Variants in RAB6A observed in about 807,000 individuals in gnomAD.
The protein encoded by RAB6A is ras-related protein Rab-6A.
In RAB6A, 8 loss-of-function variants were observed where a neutral mutation model predicts 32.3. The ratio of observed to expected loss-of-function variants is 0.25; its 90% CI spans 0.15 to 0.45. The LOEUF is 0.45. Among genes scored for constraint, RAB6A ranks in the 20% least tolerant of loss-of-function variants. The pLI is 1.00. For synonymous variants in RAB6A, 73 were observed against 82.1 expected (o/e 0.89, Z 0.60); for missense variants, 104 against 249.4 (o/e 0.42, Z 3.93).
intron 6 of RAB6A, among the ~76,000 whole-genome samples, chr11:73,693,436 C>T (rs1945607966): frequency 6.6e-6 from 1 of 151,836 alleles, no homozygotes; most frequent in African/African-American, 2.4e-5. Flanking sequence ...TTAAAGAAAG[C>T]AACAGGGCCA....
chr11:73,688,927 T>C (rs7937010), intron 6 of RAB6A, among the ~76,000 whole-genome samples: 9,172 of 152,088 alleles, frequency 0.06, 377 homozygotes, highest in East Asian at 0.17. Flanking sequence ...GCCCAGGAGT[T>C]CCAGACCACC....
intron 2 of RAB6A, among the ~76,000 whole-genome samples, chr11:73,722,090 G>A (rs1404976): frequency 0.48 from 69,116 of 145,036 alleles, 18,354 homozygotes; most frequent in East Asian, 0.6. Context: ...CCAGCCATGT[G>A]GAACTTGAGT....
At chr11:73,721,705 TTAA>T (rs1308183972) in intron 2 of RAB6A, among the ~76,000 whole-genome samples, 2 of 152,184 alleles carry the variant, frequency 1.3e-5, no homozygotes, top group African/African-American at 2.4e-5. Context: ...TACCACCTCA[TTAA>T]TGTTTGTGTG....
At chr11:73,688,091 T>C (rs1945488573) in intron 6 of RAB6A, among the ~76,000 whole-genome samples, 1 of 152,228 alleles carries the variant, frequency 6.6e-6, no homozygotes, top group South Asian at 2.1e-4. Context: ...TGGTCAAGTT[T>C]CTTCACTGCC....
At chr11:73,757,246 C>T (rs562945492) in intron 1 of RAB6A, among the ~76,000 whole-genome samples, 110 of 143,326 alleles carry the variant, frequency 7.7e-4, no homozygotes, top group Non-Finnish European at 1.4e-3. Flanking sequence ...CAGGTTCAAG[C>T]GATTCTCCTG....
At position 73,705,767 on chromosome 11, in the gene RAB6A, T is replaced by TGAGAGAGAGAGAGAGAGAGAGAGA. The variant is rs3046616; in HGVS notation, c.495+1629_495+1652dup. On this transcript the variant is annotated intron_variant, in intron 6 of 7. Coordinates refer to ENST00000336083, the MANE Select transcript of RAB6A (RefSeq NM_198896.2). ...AGGTTCTGGGAATATATAATTCCGA[T>TGAGAGAGAGAGAGAGAGAGAGAGA]GAGAGAGAGAGAGAGAGAGAGAGAG... is the stretch of plus-strand genomic sequence containing the variant. Among the ~76,000 whole-genome samples the TGAGAGAGAGAGAGAGAGAGAGAGA allele has an allele frequency of 6.7e-5, 9 of 134,836 alleles. No individual in the cohort carries two copies. The South Asian group carries it at 1.3e-3, about 19-fold the overall frequency. The allele number at this position is 134,836 out of a possible 152,430, so 88.5% of individuals were successfully genotyped here.
chr11:73,704,893 G>A lies in RAB6A; in HGVS notation c.495+2527C>T, dbSNP rs550611028. Among the ~76,000 whole-genome samples the A allele has an allele frequency of 2.6e-5, 4 of 151,966 alleles. No individual in the cohort carries two copies. The South Asian group carries it at 8.3e-4, about 32-fold the overall frequency. ...CGCCTGTAGTCCCAGCTGCTCGGGA[G>A]GCTGAGGCAGGAGAATGGCGTGAAC... On this transcript the variant is annotated intron_variant, in intron 6 of 7. Coordinates refer to ENST00000336083, the MANE Select transcript of RAB6A (RefSeq NM_198896.2).
intron 1 of RAB6A, 98 bp downstream of exon 1, chr11:73,760,468 G>A: frequency 6.9e-7 from 1 of 1,447,858 alleles, no homozygotes. Context: ...GCGCGGACGC[G>A]AGGCGGGCAG....
chr11:73,726,284 C>CA (rs1268493545), intron 2 of RAB6A, among the ~76,000 whole-genome samples: 758 of 50,802 alleles, frequency 0.015, 7 homozygotes, highest in African/African-American at 0.039. Flanking sequence ...GACTCCGTCT[C>CA]AAAAAAAAAA....
At chr11:73,717,172 C>A (rs1313961875) in intron 4 of RAB6A, among the ~76,000 whole-genome samples, 1 of 152,162 alleles carries the variant, frequency 6.6e-6, no homozygotes, top group South Asian at 2.1e-4. Context: ...GCACCTATCT[C>A]AAAAAAAGTC....
chr11:73,721,003 A>G, intron 2 of RAB6A, 104 bp from the exon 3 acceptor site: 7 of 841,600 alleles, frequency 8.3e-6, no homozygotes, highest in East Asian at 2.4e-5. Context: ...ATGAATAAAC[A>G]AATCAATACA....
intron 1 of RAB6A, among the ~76,000 whole-genome samples, chr11:73,740,904 A>C (rs1325036178): frequency 6.6e-6 from 1 of 151,960 alleles, no homozygotes; most frequent in African/African-American, 2.4e-5. Flanking sequence ...AAAGAAAAAA[A>C]AAAACTACAC....
chr11:73,689,452 G>A (rs1945510446), intron 6 of RAB6A, among the ~76,000 whole-genome samples: 1 of 152,218 alleles, frequency 6.6e-6, no homozygotes, highest in South Asian at 2.1e-4. Flanking sequence ...CTCCTGCTGT[G>A]TGGGTTGGTT....
intron 1 of RAB6A, among the ~76,000 whole-genome samples, chr11:73,754,488 T>C (rs755956018): frequency 1.2e-4 from 19 of 152,242 alleles, no homozygotes; most frequent in Non-Finnish European, 1.6e-4. Flanking sequence ...TATTACAGGA[T>C]TGAATGCATA....
chr11:73,719,317 T>C (rs2134948218), intron 3 of RAB6A, among the ~76,000 whole-genome samples: 1 of 152,368 alleles, frequency 6.6e-6, no homozygotes, highest in East Asian at 1.9e-4. Flanking sequence ...TAATGCTTCT[T>C]TGAAAGCTTC....
At chr11:73,731,501 A>G (rs966230729) in intron 1 of RAB6A, among the ~76,000 whole-genome samples, 16 of 147,596 alleles carry the variant, frequency 1.1e-4, no homozygotes, top group African/African-American at 3.8e-4. Flanking sequence ...CCGAGATCAC[A>G]CCACTGTACT....
chr11:73,679,940 A>AC lies in RAB6A; in HGVS notation c.496-221dup, dbSNP rs202223224. ...TGAAACTCTGTCTCTACAAAAAAAA[A>AC]CACAAAAATTAGCCAGGCGTGGTGG... On this transcript the variant is annotated intron_variant, in intron 6 of 7. Transcript: ENST00000336083. Among the ~76,000 whole-genome samples the AC allele has an allele frequency of 9.1e-3, 1,378 of 152,074 alleles. 13 individuals carry two copies. The highest frequency in any genetic ancestry group is 0.034 in the Middle Eastern group (10 of 292).
chr11:73,687,683 C>A (rs1446975733), intron 6 of RAB6A, among the ~76,000 whole-genome samples: 1 of 152,092 alleles, frequency 6.6e-6, no homozygotes. Flanking sequence ...TGATGAAACC[C>A]CGTTTCTTTT....
chr11:73,727,897 A>G (rs1166532894), intron 2 of RAB6A, among the ~76,000 whole-genome samples: 1 of 152,232 alleles, frequency 6.6e-6, no homozygotes, highest in Non-Finnish European at 1.5e-5. Context: ...CTATAGAATG[A>G]CAAATGAAAT....
Sources: allele counts gnomAD v4.1 joint callset (sites outside exome capture counted in the v4.1 genomes callset), GRCh38; gene constraint gnomAD v4.1.1; transcripts MANE v1.5; gene names NCBI Gene and HGNC (gene_info 2026-07-23, HGNC 2026-07-21).